Variants in DOK5 observed in about 807,000 individuals in gnomAD.
The protein encoded by DOK5 is downstream of tyrosine kinase 5.
DOK5 carries 27 observed loss-of-function variants against 43.3 expected under a neutral mutation model. The ratio of observed to expected loss-of-function variants is 0.62; its 90% confidence interval spans 0.46 to 0.86. The LOEUF (loss-of-function observed/expected upper bound fraction) is 0.86. Among genes scored for constraint, DOK5 ranks in the 40% least tolerant of loss-of-function variants. The probability of loss-of-function intolerance (pLI) is 0.00; values close to 1 mark genes in which losing one functional copy is unlikely to be tolerated. For missense variants in DOK5, 373 were observed against 392.9 expected, an observed-to-expected ratio of 0.95 and a Z score of 0.43; for synonymous variants, 146 against 140.1, an observed-to-expected ratio of 1.04 and a Z score of -0.30.
chr20:54,514,230 T>G (rs1187720788), intron 1 of DOK5, among the ~76,000 whole-genome samples: 2 of 152,238 alleles, frequency 1.3e-5, no homozygotes, highest in Non-Finnish European at 2.9e-5. Flanking sequence ...GATGCCAACT[T>G]GACATTTTTC....
chr20:54,517,653 C>A (rs1983244445), intron 1 of DOK5, among the ~76,000 whole-genome samples: 1 of 152,082 alleles, frequency 6.6e-6, no homozygotes, highest in Non-Finnish European at 1.5e-5. Flanking sequence ...AGTGTCTCTG[C>A]AGTGGCTGGA....
intron 1 of DOK5, among the ~76,000 whole-genome samples, chr20:54,500,643 C>T (rs1436820591): frequency 1.3e-5 from 2 of 149,430 alleles, no homozygotes; most frequent in African/African-American, 5.0e-5. Flanking sequence ...CTCACCACAA[C>T]CTCTACCTCC....
intron 5 of DOK5, among the ~76,000 whole-genome samples, chr20:54,592,205 G>T (rs1302743336): frequency 6.6e-6 from 1 of 152,162 alleles, no homozygotes; most frequent in Non-Finnish European, 1.5e-5. Context: ...TGAGCTAACT[G>T]TGGTAGATTA....
At chr20:54,620,320 C>A (rs1292160683) in intron 6 of DOK5, among the ~76,000 whole-genome samples, 2 of 152,152 alleles carry the variant, frequency 1.3e-5, no homozygotes, top group South Asian at 2.1e-4. Flanking sequence ...CTCACTGCAA[C>A]CCCCGCCTCC....
intron 1 of DOK5, among the ~76,000 whole-genome samples, chr20:54,495,830 C>T (rs369877408): frequency 3.9e-5 from 6 of 152,034 alleles, no homozygotes; most frequent in East Asian, 1.9e-4. Context: ...TGCAGTGAGC[C>T]GAGATCATGC....
intron 2 of DOK5, among the ~76,000 whole-genome samples, chr20:54,566,608 TTTTA>T (rs1266625445): frequency 1.3e-5 from 2 of 152,110 alleles, no homozygotes; most frequent in Non-Finnish European, 2.9e-5. Context: ...GTGTCACTAT[TTTTA>T]TTTTAGTCAT....
At chr20:54,579,078 GT>G (rs764006556) in intron 2 of DOK5, among the ~76,000 whole-genome samples, 3 of 152,090 alleles carry the variant, frequency 2.0e-5, no homozygotes, top group Non-Finnish European at 4.4e-5. Flanking sequence ...TAGATTAACA[GT>G]ATCTTTCCTG....
chr20:54,558,687 A>C (rs1055326809), intron 2 of DOK5, among the ~76,000 whole-genome samples: 3 of 152,244 alleles, frequency 2.0e-5, no homozygotes, highest in Non-Finnish European at 2.9e-5. Flanking sequence ...GGAAATGTAC[A>C]TCATGCTATT....
chr20:54,614,169 A>C (rs1029961893), intron 6 of DOK5, among the ~76,000 whole-genome samples: 2 of 152,060 alleles, frequency 1.3e-5, no homozygotes, highest in African/African-American at 2.4e-5. Flanking sequence ...TTAAAACTTG[A>C]TTGCTGAATC....
chr20:54,636,403 C>T (rs1202465630), intron 6 of DOK5, among the ~76,000 whole-genome samples: 1 of 152,186 alleles, frequency 6.6e-6, no homozygotes, highest in African/African-American at 2.4e-5. Flanking sequence ...TTTGCAACTT[C>T]CCCAATTATT....
At chr20:54,480,323 G>A (rs1272289840) in intron 1 of DOK5, among the ~76,000 whole-genome samples, 2 of 152,192 alleles carry the variant, frequency 1.3e-5, no homozygotes, top group Admixed American at 6.5e-5. Flanking sequence ...ACAGTTTACA[G>A]TAAAGAAGCC....
Position 54,650,568 on chromosome 20 carries a change from C to A in DOK5, c.*89C>A. 7.8e-7 allele frequency: 1 copy of A among 1,280,822 alleles called. No individual in the cohort carries two copies. The highest frequency in any genetic ancestry group is 1.1e-6 in the Non-Finnish European group (1 of 899,064). The allele number at this position is 1,280,822 out of a possible 1,614,324, so 79.3% of individuals were successfully genotyped here. A position where few individuals can be genotyped will look rare whatever the true frequency, so the allele number is the denominator to read the frequency against. ...CACAGAATGACAGCAAGGGAAATGA[C>A]GACCAAGAGAAGAAGCTTAAAGTCC... On this transcript the variant is annotated 3_prime_UTR_variant, in exon 8 of 8. Transcript: ENST00000262593.
intron 1 of DOK5, among the ~76,000 whole-genome samples, chr20:54,523,773 A>T (rs536714463): frequency 0.23 from 34,143 of 151,166 alleles, 6,159 homozygotes; most frequent in African/African-American, 0.51. Flanking sequence ...ATTTGTCTAA[A>T]TGTATTTTTA....
At chr20:54,626,099 TG>T in intron 6 of DOK5, among the ~76,000 whole-genome samples, 1 of 152,314 alleles carries the variant, frequency 6.6e-6, no homozygotes, top group Admixed American at 6.5e-5. Context: ...TCTAAAATCC[TG>T]GGGGACAGAG....
intron 5 of DOK5, among the ~76,000 whole-genome samples, chr20:54,595,476 G>A (rs1986113111): frequency 6.6e-6 from 1 of 152,198 alleles, no homozygotes; most frequent in African/African-American, 2.4e-5. Flanking sequence ...TGACAAAGTT[G>A]AGAACTATTT....
At chr20:54,580,969 C>T (rs77467653) in intron 2 of DOK5, among the ~76,000 whole-genome samples, 1 of 151,894 alleles carries the variant, frequency 6.6e-6, no homozygotes, top group Non-Finnish European at 1.5e-5. Context: ...TGTCATAAAG[C>T]CTTTTCCCTC....
In DOK5 at chr20:54,612,223, C is replaced by T. The variant is rs181843069; in HGVS notation, c.735+1700C>T. Among the ~76,000 whole-genome samples the T allele has an allele frequency of 1.8e-3, 276 of 152,160 alleles. 2 individuals are homozygous for T. Among genetic ancestry groups the T allele is most frequent in the African/African-American group, 6.1e-3 (252 of 41,498 alleles). On this transcript the variant is annotated intron_variant, in intron 6 of 7. Transcript: ENST00000262593. ...AACAGTCAGCAGGCTGGATTTGGGCCGCAGGACAGAGCTTATACTTGGAAA... is the reference window on the plus strand; with the variant it reads ...AACAGTCAGCAGGCTGGATTTGGGCTGCAGGACAGAGCTTATACTTGGAAA...
intron 1 of DOK5, among the ~76,000 whole-genome samples, chr20:54,511,377 C>T (rs1568761006): frequency 6.6e-6 from 1 of 152,194 alleles, no homozygotes; most frequent in Non-Finnish European, 1.5e-5. Flanking sequence ...ACCTGCTTAA[C>T]TTCCTCATGC....
intron 1 of DOK5, among the ~76,000 whole-genome samples, chr20:54,506,927 T>C (rs1982827517): frequency 6.6e-6 from 1 of 152,226 alleles, no homozygotes; most frequent in African/African-American, 2.4e-5. Flanking sequence ...GCCTGGGTCC[T>C]AAACATGATT....
Sources: allele counts gnomAD v4.1 joint callset (sites outside exome capture counted in the v4.1 genomes callset), GRCh38; gene constraint gnomAD v4.1.1; transcripts MANE v1.5; gene names NCBI Gene and HGNC (gene_info 2026-07-23, HGNC 2026-07-21).